Variants in MBOAT1 observed in about 807,000 individuals in gnomAD.
MBOAT1 encodes the protein membrane-bound glycerophospholipid O-acyltransferase 1.
MBOAT1 carries 67 observed loss-of-function variants against 64.4 expected under a neutral mutation model. The ratio of observed to expected loss-of-function variants is 1.04; its 90% CI spans 0.85 to 1.27. The LOEUF (loss-of-function observed/expected upper bound fraction) is 1.27. Among genes scored for constraint, MBOAT1 ranks in the 50% most tolerant of loss-of-function variants. MBOAT1 has a pLI of 0.00. For missense variants in MBOAT1, 563 were observed against 604.6 expected, an observed-to-expected ratio of 0.93 and a Z score of 0.72; for synonymous variants, 229 against 218.9, an observed-to-expected ratio of 1.05 and a Z score of -0.41.
chr6:20,121,629 C>T (rs1253010846), intron 8 of MBOAT1, among the ~76,000 whole-genome samples: 1 of 152,184 alleles, frequency 6.6e-6, no homozygotes, highest in African/African-American at 2.4e-5. Flanking sequence ...TGGACTTTCC[C>T]TATGCAATGG....
intron 1 of MBOAT1, among the ~76,000 whole-genome samples, chr6:20,202,095 G>A (rs1271708802): frequency 6.6e-6 from 1 of 152,110 alleles, no homozygotes; most frequent in Non-Finnish European, 1.5e-5. Context: ...TTCATGAAAT[G>A]ACTTTTGAGT....
intron 1 of MBOAT1, among the ~76,000 whole-genome samples, chr6:20,190,293 G>A (rs189679919): frequency 5.3e-5 from 8 of 152,110 alleles, no homozygotes; most frequent in Non-Finnish European, 8.8e-5. Context: ...GTACCTGGCC[G>A]CTCTAAGTTT....
intron 1 of MBOAT1, among the ~76,000 whole-genome samples, chr6:20,165,514 G>A (rs1007862285): frequency 2.6e-5 from 4 of 152,188 alleles, no homozygotes; most frequent in African/African-American, 9.6e-5. Context: ...AGGCTGAGGC[G>A]GGTGGATCAC....
chr6:20,195,921 G>A (rs1010126440), intron 1 of MBOAT1, among the ~76,000 whole-genome samples: 1 of 152,036 alleles, frequency 6.6e-6, no homozygotes, highest in Non-Finnish European at 1.5e-5. Context: ...GAAGGGAGAG[G>A]TGGAAGGAAG....
At chr6:20,169,706 T>C (rs768706910) in intron 1 of MBOAT1, among the ~76,000 whole-genome samples, 42 of 152,220 alleles carry the variant, frequency 2.8e-4, no homozygotes, top group Non-Finnish European at 4.6e-4. Context: ...TTACCAATTA[T>C]AGGTTTTTAA....
At chr6:20,187,241 G>C (rs1489813845) in intron 1 of MBOAT1, among the ~76,000 whole-genome samples, 2 of 152,236 alleles carry the variant, frequency 1.3e-5, no homozygotes, top group Admixed American at 6.5e-5. Flanking sequence ...ATCTTGGAAA[G>C]AGCAGGGACT....
At chr6:20,136,613 A>G (rs985606074) in intron 4 of MBOAT1, among the ~76,000 whole-genome samples, 24 of 152,228 alleles carry the variant, frequency 1.6e-4, no homozygotes, top group African/African-American at 5.1e-4. Context: ...CCACGGAACA[A>G]TAGGACAAAT....
Position 20,156,270 on chromosome 6 carries a change from C to CAAA in MBOAT1, c.100-3504_100-3502dup, listed in dbSNP as rs371464826. On this transcript the variant is annotated intron_variant, in intron 1 of 12. Transcript: ENST00000324607. ...TGGGCGACAGGGCGAGACTCCCTCT[C>CAAA]AAAAAAAAAAAAAAAAAATTAATGT... Among the ~76,000 whole-genome samples the CAAA allele has an allele frequency of 2.3e-3, 234 of 100,908 alleles. 2 individuals carry two copies. The highest frequency in any genetic ancestry group is 0.012 in the Middle Eastern group (2 of 164). 66.2% of individuals were successfully genotyped at this position (100,908 alleles called of 152,430 possible).
intron 5 of MBOAT1, 93 bp from the exon 6 acceptor site, chr6:20,128,846 T>TA: frequency 1.1e-6 from 1 of 871,742 alleles, no homozygotes; most frequent in Non-Finnish European, 1.7e-6. Flanking sequence ...TTGAACCAGG[T>TA]AATCTTTGTT....
chr6:20,107,816 A>G (rs1355933778), intron 12 of MBOAT1, among the ~76,000 whole-genome samples: 1 of 152,172 alleles, frequency 6.6e-6, no homozygotes, highest in Non-Finnish European at 1.5e-5. Context: ...GCATGTTAGA[A>G]ATAGATAATT....
At chr6:20,155,390 G>C (rs925889843) in intron 1 of MBOAT1, among the ~76,000 whole-genome samples, 4 of 149,162 alleles carry the variant, frequency 2.7e-5, no homozygotes, top group African/African-American at 9.7e-5. Flanking sequence ...CATCTAACTG[G>C]GGAAACAACA....
At chr6:20,120,253 T>C (rs1281322731) in intron 8 of MBOAT1, among the ~76,000 whole-genome samples, 1 of 152,128 alleles carries the variant, frequency 6.6e-6, no homozygotes, top group Non-Finnish European at 1.5e-5. Flanking sequence ...AATAATGGTA[T>C]TCATTTTAAA....
chr6:20,144,469 C>G (rs2113681724), intron 3 of MBOAT1, among the ~76,000 whole-genome samples, 154 bp from the exon 4 acceptor site: 1 of 152,308 alleles, frequency 6.6e-6, no homozygotes, highest in Non-Finnish European at 1.5e-5. Context: ...CCACCCACTA[C>G]TCTAGCTGAA....
In MBOAT1 at chr6:20,186,136, T is replaced by C. The variant is rs138799747; in HGVS notation, c.99+26000A>G. On this transcript the variant is annotated intron_variant, in intron 1 of 12. Coordinates refer to ENST00000324607, the MANE Select transcript of MBOAT1 (RefSeq NM_001080480.3). ...AGCTTGAGGCTGCAGTAAGCTATGATAGTGCCACTGTACTCCAGCATGGGT... is the reference window on the plus strand; with the variant it reads ...AGCTTGAGGCTGCAGTAAGCTATGACAGTGCCACTGTACTCCAGCATGGGT... 1.5e-3 allele frequency among the ~76,000 whole-genome samples: 224 copies of C among 152,308 alleles called. 2 individuals are homozygous for C. Among genetic ancestry groups the C allele is most frequent in the Admixed American group, 3.7e-3 (57 of 15,294 alleles).
At chr6:20,146,668 T>A (rs1369438406) in intron 3 of MBOAT1, among the ~76,000 whole-genome samples, 1 of 152,176 alleles carries the variant, frequency 6.6e-6, no homozygotes, top group Non-Finnish European at 1.5e-5. Context: ...CAGCCATGCC[T>A]GCTGCTTCCC....
At chr6:20,128,937 T>C (rs1227939444) in intron 5 of MBOAT1, among the ~76,000 whole-genome samples, 184 bp from the exon 6 acceptor site, 1 of 152,102 alleles carries the variant, frequency 6.6e-6, no homozygotes, top group African/African-American at 2.4e-5. Context: ...TAAGTACACG[T>C]GTGAGAAGCA....
intron 4 of MBOAT1, among the ~76,000 whole-genome samples, chr6:20,134,379 GA>G (rs1008728493): frequency 0.024 from 3,373 of 142,376 alleles, 114 homozygotes; most frequent in African/African-American, 0.08. Flanking sequence ...CCTTTTTATA[GA>G]AAAAAAAAAA....
intron 4 of MBOAT1, among the ~76,000 whole-genome samples, chr6:20,134,943 A>T: frequency 6.9e-6 from 1 of 145,196 alleles, no homozygotes; most frequent in Non-Finnish European, 1.5e-5. Context: ...TACAAAACTC[A>T]GTACAGGAGA....
intron 9 of MBOAT1, 137 bp from the exon 10 acceptor site, chr6:20,115,489 G>T (rs568097613): frequency 1.5e-6 from 1 of 685,520 alleles, no homozygotes; most frequent in Non-Finnish European, 2.6e-6. Context: ...CAAGTCAGCT[G>T]TTCCATCCTA....
Sources: allele counts gnomAD v4.1 joint callset (sites outside exome capture counted in the v4.1 genomes callset), GRCh38; gene constraint gnomAD v4.1.1; transcripts MANE v1.5; gene names NCBI Gene and HGNC (gene_info 2026-07-23, HGNC 2026-07-21).